F8: variants seen among roughly 807,000 people sequenced by gnomAD.
The protein encoded by F8 is coagulation factor VIII.
F8 carries 12 observed loss-of-function variants against 140.6 expected under a neutral mutation model. The ratio of observed to expected loss-of-function variants is 0.09; its 90% CI spans 0.05 to 0.14. The LOEUF is 0.14. F8 is among the 10% of genes least tolerant of loss of function. F8 has a pLI of 1.00. For synonymous variants in F8, 585 were observed against 614.6 expected (o/e 0.95, Z 0.71); for missense variants, 1,354 against 1,720.7 (o/e 0.79, Z 3.77).
intron 13 of F8, among the ~76,000 whole-genome samples, chrX:154,935,749 G>T (rs1434427940): frequency 4.5e-5 from 5 of 110,572 alleles, no homozygotes; most frequent in African/African-American, 1.6e-4. Flanking sequence ...AGTAAAAATA[G>T]GTCAATAAAT....
In F8 at chrX:154,931,508, A is replaced by G. The variant is rs1434598935; in HGVS notation, c.2282T>C (p.Phe761Ser). Residue 761 changes from phenylalanine to serine, a missense_variant, in exon 14 of 26, where the codon TTC (phenylalanine) becomes TCC (serine). This residue lies in a region of F8 where 658 missense variants were observed against 666.5 expected (regional missense o/e 0.99). Coordinates refer to ENST00000360256, the MANE Select transcript of F8 (RefSeq NM_000132.4). Reference sequence around the variant, plus strand: ...GCTAGGGTGTCTTGAATTCTGGGAGAAGCTTCTTGGTTCAATGGCATTGTT... The same window carrying G: ...GCTAGGGTGTCTTGAATTCTGGGAGGAGCTTCTTGGTTCAATGGCATTGTT... Reference protein sequence around the residue: ...SKNNAIEPRSFSQNSRHPSTR... With the variant: ...SKNNAIEPRSSSQNSRHPSTR... 8.3e-7 allele frequency: 1 copy of G among 1,211,297 alleles called. No homozygotes were observed. The highest frequency in any genetic ancestry group is 1.7e-5 in the African/African-American group (1 of 57,644).
At chrX:154,892,962 A>G (rs1349659817) in intron 22 of F8, among the ~76,000 whole-genome samples, 1 of 111,581 alleles carries the variant, frequency 9.0e-6, no homozygotes, top group Non-Finnish European at 1.9e-5. Context: ...GATAAGAAAC[A>G]TTTACAATCT....
At chrX:154,955,356 A>G (rs1345793869) in intron 11 of F8, among the ~76,000 whole-genome samples, 1 of 64,676 alleles carries the variant, frequency 1.5e-5, no homozygotes, top group Non-Finnish European at 2.8e-5. Flanking sequence ...ACAAGGTCTT[A>G]CTATTTTGCC....
At chrX:154,851,183 A>G (rs184079105) in intron 25 of F8, among the ~76,000 whole-genome samples, 9 of 112,664 alleles carry the variant, frequency 8.0e-5, no homozygotes, top group African/African-American at 2.9e-4. Flanking sequence ...ACTTAGCATA[A>G]TGCTTTCAAG....
chrX:154,851,915 G>A (rs1441446986), intron 25 of F8, among the ~76,000 whole-genome samples: 2 of 111,736 alleles, frequency 1.8e-5, no homozygotes, highest in East Asian at 5.5e-4. Context: ...CTTTAAAGAT[G>A]CCTACTATAT....
At chrX:154,955,317 ATTTTTTTTT>A (rs34537569) in intron 11 of F8, among the ~76,000 whole-genome samples, 2 of 66,890 alleles carry the variant, frequency 3.0e-5, no homozygotes, top group East Asian at 4.1e-4. Flanking sequence ...TGCCCAGCTA[ATTTTTTTTT>A]TTTTTTTTTT....
In F8 at chrX:154,931,400, G is replaced by C. The variant is rs1557278832; in HGVS notation, c.2390C>G (p.Pro797Arg). The stretch of plus-strand genomic sequence containing the variant: ...GGAGACATTTTGTATTTTAGGCATA[G>C]GTGTTCTGTGTGCAAACCAAGGGTC... ...KTDPWFAHRT[P>R]MPKIQNVSSS... The change falls in exon 14 of 26, where the codon CCT (proline) becomes CGT (arginine). Residue 797 changes from proline (P) to arginine (R), a missense_variant. By Grantham distance (103) the Pro-to-Arg change is moderately radical. This residue lies in a region of F8 where 658 missense variants were observed against 666.5 expected (regional missense o/e 0.99). Coordinates refer to ENST00000360256, the MANE Select transcript of F8 (RefSeq NM_000132.4). 2.5e-6 allele frequency: 3 copies of C among 1,210,806 alleles called. No individual in the cohort carries two copies. The South Asian group carries it at 5.3e-5, about 21-fold the overall frequency.
At chrX:154,928,518 G>C (rs2124046745) in intron 14 of F8, 53 bp downstream of exon 14, 2 of 1,064,081 alleles carry the variant, frequency 1.9e-6, no homozygotes, top group South Asian at 3.8e-5. Flanking sequence ...TCATCATCTG[G>C]TAAAGTCAAA....
chrX:154,937,653 T>C (rs2073231862), intron 13 of F8, among the ~76,000 whole-genome samples: 1 of 110,903 alleles, frequency 9.0e-6, no homozygotes, highest in Non-Finnish European at 1.9e-5. Context: ...AAAAACACAA[T>C]TGACAAAAAC....
chrX:154,852,066 T>C (rs1268999427), intron 25 of F8, among the ~76,000 whole-genome samples: 3 of 111,715 alleles, frequency 2.7e-5, no homozygotes, highest in African/African-American at 9.8e-5. Context: ...TTTTGATACA[T>C]TTTTAGTTAA....
In F8 at chrX:154,845,578, A is replaced by G. The variant is rs1257478955; in HGVS notation, c.6901-7826T>C. Among the ~76,000 whole-genome samples the G allele has an allele frequency of 9.8e-5, 11 of 112,093 alleles. No homozygotes were observed. The Admixed American group carries it at 1.0e-3, about 11-fold the overall frequency. On this transcript the variant is annotated intron_variant, in intron 25 of 25. Coordinates refer to ENST00000360256, the MANE Select transcript of F8 (RefSeq NM_000132.4). ...CTTCTAGATTTTCTAGTTTATTTACATAGAGGTGTTTATAGTATTCTCTGA... is the reference window on the plus strand; with the variant it reads ...CTTCTAGATTTTCTAGTTTATTTACGTAGAGGTGTTTATAGTATTCTCTGA...
At chrX:155,016,762 A>G (rs1006231119) in intron 1 of F8, among the ~76,000 whole-genome samples, 1 of 112,699 alleles carries the variant, frequency 8.9e-6, no homozygotes, top group Non-Finnish European at 1.9e-5. Context: ...GAGACTCATT[A>G]AAAAGTTGCA....
At chrX:154,856,414 G>T (rs2072651554) in intron 25 of F8, among the ~76,000 whole-genome samples, 2 of 112,503 alleles carry the variant, frequency 1.8e-5, no homozygotes, top group South Asian at 7.3e-4. Flanking sequence ...CAAAGGCAAG[G>T]TAAGTGTGGT....
intron 22 of F8, among the ~76,000 whole-genome samples, chrX:154,877,146 A>G (rs1378795206): frequency 1.8e-5 from 2 of 112,475 alleles, no homozygotes; most frequent in Non-Finnish European, 3.8e-5. Context: ...TGTGCTAGGA[A>G]GAATATGATC....
intron 4 of F8, among the ~76,000 whole-genome samples, chrX:154,989,150 C>T (rs1453225729): frequency 9.0e-6 from 1 of 111,694 alleles, no homozygotes; most frequent in Admixed American, 9.5e-5. Context: ...AGACCCTGTG[C>T]CATCTTTACC....
At chrX:155,007,958 TA>T (rs1192616073) in intron 1 of F8, among the ~76,000 whole-genome samples, 8 of 111,261 alleles carry the variant, frequency 7.2e-5, no homozygotes, top group African/African-American at 2.6e-4. Flanking sequence ...TTGTGATACC[TA>T]ATCTTGGCGT....
intron 4 of F8, among the ~76,000 whole-genome samples, chrX:154,990,823 C>T (rs1557284597): frequency 8.9e-6 from 1 of 111,828 alleles, no homozygotes; most frequent in East Asian, 2.8e-4. Flanking sequence ...AAACTACATA[C>T]CTGGATGTGT....
At chrX:154,981,600 G>A (rs868943335) in intron 6 of F8, among the ~76,000 whole-genome samples, 7 of 110,780 alleles carry the variant, frequency 6.3e-5, no homozygotes, top group Non-Finnish European at 9.4e-5. Context: ...ACCTCCATGC[G>A]TTCAGCTACT....
chrX:154,921,773 G>A (rs2073132057), intron 14 of F8, among the ~76,000 whole-genome samples: 3 of 108,606 alleles, frequency 2.8e-5, no homozygotes, highest in Admixed American at 9.9e-5. Context: ...GCAAACTATC[G>A]CAAGGACAAA....
Sources: gnomAD v4.1 joint callset for allele counts (sites outside exome capture counted in the v4.1 genomes callset) on GRCh38, gnomAD v4.1.1 for gene constraint, gnomAD v4.1.1 regional missense constraint, MANE v1.5 for transcripts, NCBI Gene and HGNC (gene_info 2026-07-23, HGNC 2026-07-21) for gene names.